The following MRAP2 variants were observed in gnomAD, a reference collection of about 807,000 sequenced individuals.
MRAP2 encodes melanocortin 2 receptor accessory protein 2.
MRAP2 carries 20 observed loss-of-function variants against 17.4 expected under a neutral mutation model. The observed-to-expected ratio is 1.15, with a 90% confidence interval of 0.81 to 1.67. MRAP2 has a LOEUF of 1.67. Among genes scored for constraint, MRAP2 ranks in the 40% most tolerant of loss-of-function variants. The probability of loss-of-function intolerance (pLI) is 0.00; values close to 1 mark genes in which losing one functional copy is unlikely to be tolerated. For synonymous variants in MRAP2, 96 were observed against 88.4 expected, an observed-to-expected ratio of 1.09 and a Z score of -0.48; for missense variants, 238 against 240.0, an observed-to-expected ratio of 0.99 and a Z score of 0.05.
chr6:84,040,056 A>T (rs2099487120), intron 1 of MRAP2, among the ~76,000 whole-genome samples: 1 of 152,204 alleles, frequency 6.6e-6, no homozygotes, highest in Non-Finnish European at 1.5e-5. Flanking sequence ...CCTAAATCTC[A>T]TCTTGAACTG....
the MRAP2 span, among the ~76,000 whole-genome samples, chr6:84,096,545 G>T: frequency 6.6e-6 from 1 of 152,116 alleles, no homozygotes; most frequent in Non-Finnish European, 1.5e-5. Context: ...TTGCATTAAA[G>T]AAATAATAAA....
rs1205670246 is a variant in MRAP2 at position 84,034,515 on chromosome 6, C to CGCCCCGTGCCCCGTGCCCCGT, written c.-8+649_-8+650insCCGTGCCCCGTGCCCCGTGCC. 4.9e-3 allele frequency among the ~76,000 whole-genome samples: 715 copies of CGCCCCGTGCCCCGTGCCCCGT among 147,008 alleles called. 9 individuals are homozygous for CGCCCCGTGCCCCGTGCCCCGT. Among genetic ancestry groups the CGCCCCGTGCCCCGTGCCCCGT allele is most frequent in the African/African-American group, 0.018 (692 of 39,262 alleles). On this transcript the variant is annotated intron_variant, in intron 1 of 3. Transcript: ENST00000257776. ...GCCCCCGCTCCCCCCGCCCGCCCCGCGCCCCGTGCCCCGTGCCTTTCCCAT... is the reference window on the plus strand; with the variant it reads ...GCCCCCGCTCCCCCCGCCCGCCCCGCGCCCCGTGCCCCGTGCCCCGTGCCCCGTGCCCCGTGCCTTTCCCAT...
At chr6:84,084,134 A>G (rs1299653574) in intron 3 of MRAP2, among the ~76,000 whole-genome samples, 3 of 152,192 alleles carry the variant, frequency 2.0e-5, no homozygotes, top group African/African-American at 7.2e-5. Flanking sequence ...TATATTTTTA[A>G]TATTTATATT....
downstream of MRAP2, among the ~76,000 whole-genome samples, chr6:84,091,634 T>C (rs539131109): frequency 1.6e-4 from 24 of 152,290 alleles, no homozygotes; most frequent in East Asian, 4.4e-3. Flanking sequence ...TGGTATCTTA[T>C]TTAGAAGTAG....
At chr6:84,071,548 A>G (rs562433507) in intron 3 of MRAP2, among the ~76,000 whole-genome samples, 5 of 152,306 alleles carry the variant, frequency 3.3e-5, no homozygotes, top group Admixed American at 3.3e-4. Context: ...TAACCTGATG[A>G]CAGTGTGTCT....
At chr6:84,100,943 A>T in the MRAP2 span, among the ~76,000 whole-genome samples, 1 of 151,902 alleles carries the variant, frequency 6.6e-6, no homozygotes, top group Non-Finnish European at 1.5e-5. Flanking sequence ...TAGATTTACA[A>T]TTGTTTATTC....
intron 1 of MRAP2, among the ~76,000 whole-genome samples, chr6:84,048,923 A>G (rs2099489712): frequency 6.6e-6 from 1 of 152,180 alleles, no homozygotes; most frequent in Non-Finnish European, 1.5e-5. Context: ...AAAACTGAAA[A>G]TTCAGCTCCC....
At chr6:84,119,380 C>T in the MRAP2 span, among the ~76,000 whole-genome samples, 6,454 of 152,160 alleles carry the variant, frequency 0.042, 197 homozygotes, top group Admixed American at 0.086. Flanking sequence ...TGCAATTATT[C>T]AACACTCCCA....
chr6:84,100,300 T>C, the MRAP2 span, among the ~76,000 whole-genome samples: 1 of 152,214 alleles, frequency 6.6e-6, no homozygotes. Flanking sequence ...TCTCACTCTG[T>C]CACCCAGGCT....
the MRAP2 span, among the ~76,000 whole-genome samples, chr6:84,141,625 G>A: frequency 6.6e-6 from 1 of 152,074 alleles, no homozygotes; most frequent in Non-Finnish European, 1.5e-5. Flanking sequence ...CTACTAACTT[G>A]CCTTCCTCTG....
At chr6:84,084,915 TTA>T (rs2099499968) in intron 3 of MRAP2, among the ~76,000 whole-genome samples, 1 of 104,686 alleles carries the variant, frequency 9.6e-6, no homozygotes, top group African/African-American at 4.3e-5. Context: ...TTTATTTTAT[TTA>T]TTTATTTTAT....
chr6:84,066,842 A>C (rs1478860103), intron 3 of MRAP2, among the ~76,000 whole-genome samples: 2 of 152,166 alleles, frequency 1.3e-5, no homozygotes, highest in Admixed American at 1.3e-4. Context: ...GGCAATTTTT[A>C]ATCTCTTCCT....
At chr6:84,134,475 G>A in the MRAP2 span, among the ~76,000 whole-genome samples, 20 of 152,308 alleles carry the variant, frequency 1.3e-4, no homozygotes, top group African/African-American at 2.6e-4. Flanking sequence ...CCCTGGTGGC[G>A]TAGGCACCCA....
At chr6:84,120,961 T>C in the MRAP2 span, among the ~76,000 whole-genome samples, 1 of 152,350 alleles carries the variant, frequency 6.6e-6, no homozygotes, top group African/African-American at 2.4e-5. Context: ...CTGTAAAATG[T>C]ATTTTGAAGA....
At chr6:84,128,778 G>T in the MRAP2 span, among the ~76,000 whole-genome samples, 1 of 151,936 alleles carries the variant, frequency 6.6e-6, no homozygotes. Context: ...GTGCCATGAT[G>T]GTTTGCTGCA....
chr6:84,107,496 C>T, the MRAP2 span, among the ~76,000 whole-genome samples: 1 of 152,130 alleles, frequency 6.6e-6, no homozygotes, highest in Admixed American at 6.6e-5. Context: ...TCATTGGATC[C>T]AATCAGCATA....
chr6:84,119,649 G>A, the MRAP2 span, among the ~76,000 whole-genome samples: 1 of 152,148 alleles, frequency 6.6e-6, no homozygotes. Context: ...TATTCCTTAA[G>A]TTTTCCACAA....
chr6:84,079,516 T>C (rs2099498437), intron 3 of MRAP2, among the ~76,000 whole-genome samples: 1 of 152,180 alleles, frequency 6.6e-6, no homozygotes. Context: ...GTACTTAAGG[T>C]TTATGCATTT....
intron 1 of MRAP2, among the ~76,000 whole-genome samples, chr6:84,040,953 A>G (rs955065510): frequency 6.6e-6 from 1 of 152,232 alleles, no homozygotes; most frequent in African/African-American, 2.4e-5. Context: ...TTGATTGCCA[A>G]GACAAAGGGG....
Sources: gnomAD v4.1 joint callset for allele counts (sites outside exome capture counted in the v4.1 genomes callset) on GRCh38, gnomAD v4.1.1 for gene constraint, MANE v1.5 for transcripts, NCBI Gene and HGNC (gene_info 2026-07-23, HGNC 2026-07-21) for gene names.